DOK1: variants seen among roughly 807,000 people sequenced by gnomAD.
DOK1 encodes the protein docking protein 1.
In DOK1, 12 loss-of-function variants were observed where a neutral mutation model predicts 24.0. That is an observed-to-expected ratio of 0.50 (90% CI 0.32 to 0.81). The LOEUF is 0.81. DOK1 is among the 30% of genes least tolerant of loss of function. The pLI is 0.03. For synonymous variants in DOK1, 250 were observed against 260.9 expected (o/e 0.96, Z 0.40); for missense variants, 591 against 620.7 (o/e 0.95, Z 0.51).
At chr2:74,554,691 G>T (rs1677272343), upstream of DOK1, 2 of 1,541,580 alleles carry the variant, frequency 1.3e-6, no homozygotes, top group Non-Finnish European at 1.8e-6. The surrounding 1 kb of genome is among the most constrained non-coding windows in gnomAD (Gnocchi z 4.9). Flanking sequence ...AGGGAACCCG[G>T]CCCCGCCTCC....
At chr2:74,552,672 C>A (rs368354956), upstream of DOK1, 5 of 1,482,930 alleles carry the variant, frequency 3.4e-6, no homozygotes, top group South Asian at 2.6e-5. Flanking sequence ...ACAAAGTGTG[C>A]GTGAGAGAAA....
chr2:74,557,034 G>C lies in DOK1; in HGVS notation c.1366G>C (p.Gly456Arg). The change falls in exon 5 of 5, where the codon GGG becomes CGG. Residue 456 changes from glycine to arginine, a missense_variant. Transcript: ENST00000233668. ...SALYSQVQKS[G>R]ASGSWDCGLS... Reference sequence around the variant, plus strand: ...CCTGTACAGCCAGGTCCAGAAGAGCGGGGCCTCAGGGAGCTGGGACTGTGG... The same window carrying C: ...CCTGTACAGCCAGGTCCAGAAGAGCCGGGCCTCAGGGAGCTGGGACTGTGG... The C allele has an allele frequency of 6.2e-7, 1 of 1,614,210 alleles. No homozygotes were observed. The highest frequency in any genetic ancestry group is 8.5e-7 in the Non-Finnish European group (1 of 1,180,044).
upstream of DOK1, among the ~76,000 whole-genome samples, chr2:74,550,882 G>T (rs780212106): frequency 6.6e-6 from 1 of 151,642 alleles, no homozygotes; most frequent in Admixed American, 6.6e-5. Flanking sequence ...TCTTGTGCCC[G>T]CCCTGTCTGT....
At chr2:74,554,645 T>C, upstream of DOK1, 1 of 1,075,658 alleles carries the variant, frequency 9.3e-7, no homozygotes. This position sits in a 1 kb window ranked among gnomAD's most constrained non-coding sequence, Gnocchi z 4.9. Context: ...CCCCAGCGGC[T>C]GCCGGCGGGG....
Position 74,555,768 on chromosome 2 carries a change from G to C in DOK1, c.454+100G>C. On this transcript the variant is annotated intron_variant, in intron 3 of 4. Coordinates refer to ENST00000233668, the MANE Select transcript of DOK1 (RefSeq NM_001381.5). This position sits in a 1 kb window ranked among gnomAD's most constrained non-coding sequence, Gnocchi z 6.1. ...TACCCAGGGGCCCATGGGGAAGTAA[G>C]AAGTAGGAAGGCCCTGAGATCTGGC... The C allele has an allele frequency of 1.9e-6, 3 of 1,593,030 alleles. No individual in the cohort carries two copies. The South Asian group carries it at 3.4e-5, about 18-fold the overall frequency.
upstream of DOK1, chr2:74,552,440 T>C: frequency 6.2e-7 from 1 of 1,613,894 alleles, no homozygotes; most frequent in Non-Finnish European, 8.5e-7. Flanking sequence ...TGGTGCCCCA[T>C]TCACCAGCTC....
rs199545844 is a variant in DOK1, at chr2:74,556,372, C to T, written c.704C>T (p.Thr235Met). ...GGCCCTGGAACCTTCACCTTCCAGA[C>T]GGCACAGGGAAATGACATCTTCCAG... ...PSGPGTFTFQ[T>M]AQGNDIFQAV... Residue 235 changes from threonine to methionine, a missense_variant, in exon 5 of 5, where the codon ACG becomes ATG. Physicochemically the swap from Thr to Met is moderately conservative, Grantham distance 81. Coordinates refer to ENST00000233668, the MANE Select transcript of DOK1 (RefSeq NM_001381.5). The surrounding 1 kb of genome is among the most constrained non-coding windows in gnomAD (Gnocchi z 4.1). The T allele has an allele frequency of 7.1e-5, 115 of 1,613,938 alleles. No individual in the cohort carries two copies. Among genetic ancestry groups the T allele is most frequent in the East Asian group, 6.2e-4 (28 of 44,876 alleles).
rs1340979197 is a variant in DOK1, at chr2:74,555,994, C to T, written c.555C>T (p.Leu185=). Residue 185 remains leucine (L), a synonymous_variant, in exon 4 of 5, where the codon CTC becomes CTT. Coordinates refer to ENST00000233668, the MANE Select transcript of DOK1 (RefSeq NM_001381.5). This position sits in a 1 kb window ranked among gnomAD's most constrained non-coding sequence, Gnocchi z 6.1. ...GGGTGGAGGCTGAAAGGCTGACTCT[C>T]CTGACCGTGGGGGCCCAGAGTCAGA... ...VLRVEAERLT[L]LTVGAQSQIL... 1.9e-6 allele frequency: 3 copies of T among 1,613,970 alleles called. No individual in the cohort carries two copies. The highest frequency in any genetic ancestry group is 2.2e-5 in the East Asian group (1 of 44,882).
rs1435977429 is a variant in DOK1 at position 74,557,009 on chromosome 2, C to T, written c.1341C>T (p.Ala447=). ...GTGGCATCAAAAGCCACAACTCAGC[C>T]CTGTACAGCCAGGTCCAGAAGAGCG... ...TGSGIKSHNS[A]LYSQVQKSGA... The change falls in exon 5 of 5, where the codon GCC becomes GCT. Residue 447 remains alanine, a synonymous_variant. Transcript: ENST00000233668. 6.2e-7 allele frequency: 1 copy of T among 1,614,088 alleles called. No homozygotes were observed. The highest frequency in any genetic ancestry group is 8.5e-7 in the Non-Finnish European group (1 of 1,180,054).
At chr2:74,551,411 T>G (rs1394339106), upstream of DOK1, among the ~76,000 whole-genome samples, 1 of 152,266 alleles carries the variant, frequency 6.6e-6, no homozygotes, top group African/African-American at 2.4e-5. Context: ...TCCTTGTGAC[T>G]CTTCATGACT....
chr2:74,556,133 G>A lies in DOK1; in HGVS notation c.639+55G>A, dbSNP rs983988791. The A allele has an allele frequency of 1.3e-6, 2 of 1,538,308 alleles. No homozygotes were observed. Among genetic ancestry groups the A allele is most frequent in the African/African-American group, 2.8e-5 (2 of 72,598 alleles). On this transcript the variant is annotated intron_variant, in intron 4 of 4. Coordinates refer to ENST00000233668, the MANE Select transcript of DOK1 (RefSeq NM_001381.5). The surrounding 1 kb of genome is among the most constrained non-coding windows in gnomAD (Gnocchi z 4.1). ...GGTTGGGCAGCTGTGGGAGGGGTGG[G>A]GCAGGACAGAAAGTGGGAAGCTCTG...
chr2:74,549,349 C>T lies in DOK1; in HGVS notation c.-358+177C>T. ...CACCCCAATCCCGGCCTGCTCCGCC[C>T]GGCGCCCGCGGCCCCTCACCTGTAG... On this transcript the variant is annotated intron_variant, in intron 1 of 4. Transcript: ENST00000409429. This position sits in a 1 kb window ranked among gnomAD's most constrained non-coding sequence, Gnocchi z 5.3. 5 of 1,551,550 alleles carry T rather than the reference C, an allele frequency of 3.2e-6. No individual in the cohort carries two copies. Among genetic ancestry groups the T allele is most frequent in the Non-Finnish European group, 4.4e-6 (5 of 1,145,996 alleles).
upstream of DOK1, among the ~76,000 whole-genome samples, chr2:74,552,088 C>T (rs1351439500): frequency 6.6e-6 from 1 of 152,228 alleles, no homozygotes; most frequent in Non-Finnish European, 1.5e-5. Flanking sequence ...ACTTAGACAT[C>T]ATCTAGTCAT....
Position 74,555,895 on chromosome 2 carries a change from A to G in DOK1, c.456A>G (p.Gly152=), listed in dbSNP as rs576563260. 2.2e-5 allele frequency: 36 copies of G among 1,602,386 alleles called. No individual in the cohort carries two copies. The South Asian group carries it at 3.9e-4, about 17-fold the overall frequency. Residue 152 remains glycine (G), a splice_region_variant and synonymous_variant, in exon 4 of 5, where the codon GGA becomes GGG. Coordinates refer to ENST00000233668, the MANE Select transcript of DOK1 (RefSeq NM_001381.5). The surrounding 1 kb of genome is among the most constrained non-coding windows in gnomAD (Gnocchi z 6.1). ...TGTCTAATCGTGTATGCCTTCCAGGATCCCAATTCTGGGTAACGGTGCAGA... is the reference window on the plus strand; with the variant it reads ...TGTCTAATCGTGTATGCCTTCCAGGGTCCCAATTCTGGGTAACGGTGCAGA... ...ENSLYSPTWE[G]SQFWVTVQRT...
rs1242860329 is a variant in DOK1 at position 74,549,197 on chromosome 2, G to T, written c.-358+25G>T. 2 of 688,560 alleles carry T rather than the reference G, an allele frequency of 2.9e-6. No individual in the cohort carries two copies. The highest frequency in any genetic ancestry group is 6.1e-5 in the East Asian group (2 of 32,622). The allele number at this position is 688,560 out of a possible 1,614,324, so 42.7% of individuals were successfully genotyped here. On this transcript the variant is annotated intron_variant, in intron 1 of 4. Coordinates refer to the DOK1 transcript ENST00000409429. This position sits in a 1 kb window ranked among gnomAD's most constrained non-coding sequence, Gnocchi z 5.3. ...GGTACTCCCTTGGGGCACCTTTCGTGGTCCCACAAGATTTCCCAACTCTCC... is the reference window on the plus strand; with the variant it reads ...GGTACTCCCTTGGGGCACCTTTCGTTGTCCCACAAGATTTCCCAACTCTCC...
In DOK1 at chr2:74,555,844, T is replaced by A; in HGVS notation, c.455-50T>A. On this transcript the variant is annotated intron_variant, in intron 3 of 4. Coordinates refer to ENST00000233668, the MANE Select transcript of DOK1 (RefSeq NM_001381.5). The surrounding 1 kb of genome is among the most constrained non-coding windows in gnomAD (Gnocchi z 6.1). Reference sequence around the variant, plus strand: ...GCTCATGAGTCCTCTGGGTCCCCACTGCTGCCCCCGTCCCTCCCCCGCAGC... The same window carrying A: ...GCTCATGAGTCCTCTGGGTCCCCACAGCTGCCCCCGTCCCTCCCCCGCAGC... The A allele has an allele frequency of 6.3e-7, 1 of 1,584,670 alleles. No homozygotes were observed. The highest frequency in any genetic ancestry group is 1.3e-5 in the African/African-American group (1 of 74,384).
chr2:74,550,207 A>G, upstream of DOK1: 4 of 1,614,012 alleles, frequency 2.5e-6, no homozygotes, highest in Non-Finnish European at 3.4e-6. Flanking sequence ...GGAGTCCGAG[A>G]AGCCAGGGAG....
upstream of DOK1, chr2:74,552,772 C>T: frequency 2.4e-6 from 2 of 843,694 alleles, no homozygotes; most frequent in South Asian, 1.9e-5. Context: ...CGAGAGACAA[C>T]AGGAGAGAAA....
In DOK1 at chr2:74,554,986, T is replaced by A; in HGVS notation, c.61-168T>A. The A allele has an allele frequency of 7.2e-7, 1 of 1,394,326 alleles. No individual in the cohort carries two copies. The highest frequency in any genetic ancestry group is 9.9e-7 in the Non-Finnish European group (1 of 1,013,980). The allele number at this position is 1,394,326 out of a possible 1,614,324, so 86.4% of individuals were successfully genotyped here. ...CCGGGAAGCGTCTGTAGTCTAGGGG[T>A]TCTGGTCCTGGGGAGACGGAGTGGC... On this transcript the variant is annotated intron_variant, in intron 1 of 4. Transcript: ENST00000233668. The surrounding 1 kb of genome is among the most constrained non-coding windows in gnomAD (Gnocchi z 4.9).
Sources: gnomAD v4.1 joint callset for allele counts (sites outside exome capture counted in the v4.1 genomes callset) on GRCh38, gnomAD v4.1.1 for gene constraint, Gnocchi (gnomAD v3.1) non-coding constraint, MANE v1.5 for transcripts, NCBI Gene and HGNC (gene_info 2026-07-23, HGNC 2026-07-21) for gene names.